Variants in IL1RAPL1 observed in about 807,000 individuals in gnomAD.
The protein encoded by IL1RAPL1 is interleukin-1 receptor accessory protein-like 1.
Under a neutral mutation model 48.4 loss-of-function variants are expected in IL1RAPL1, and 3 were observed. The observed-to-expected ratio is 0.06, with a 90% CI of 0.03 to 0.16. The LOEUF (loss-of-function observed/expected upper bound fraction) is 0.16, where lower values mean the gene tolerates loss of function less well. Among genes scored for constraint, IL1RAPL1 ranks in the 10% least tolerant of loss-of-function variants. The pLI, the probability that IL1RAPL1 is intolerant of heterozygous loss-of-function variation, is 1.00. For synonymous variants in IL1RAPL1, 185 were observed against 187.7 expected (o/e 0.99, Z 0.12); for missense variants, 349 against 530.6 (o/e 0.66, Z 3.36).
At chrX:28,933,249 G>T (rs1312610675) in intron 2 of IL1RAPL1, among the ~76,000 whole-genome samples, 1 of 110,965 alleles carries the variant, frequency 9.0e-6, no homozygotes, top group African/African-American at 3.3e-5. Context: ...CCCTCAATCC[G>T]TGGGTAGACC....
In IL1RAPL1 at chrX:29,395,176, C is replaced by T. The variant is rs763734637; in HGVS notation, c.363-1082C>T. On this transcript the variant is annotated intron_variant, in intron 3 of 10. Coordinates refer to ENST00000378993, the MANE Select transcript of IL1RAPL1 (RefSeq NM_014271.4). ...AGTGCTGGCTCTCCCATGAGTCCCA[C>T]CTGAGACTCAAAGGAGTTAAATAAA... Among the ~76,000 whole-genome samples, 27 of 111,625 alleles carry T rather than the reference C, an allele frequency of 2.4e-4. No homozygotes were observed. The South Asian group carries it at 9.5e-3, about 39-fold the overall frequency.
intron 2 of IL1RAPL1, among the ~76,000 whole-genome samples, chrX:28,796,228 G>T (rs773687639): frequency 1.8e-5 from 2 of 111,378 alleles, no homozygotes; most frequent in South Asian, 7.6e-4. Context: ...GTTGGGTGGG[G>T]ACACAACCAA....
intron 3 of IL1RAPL1, among the ~76,000 whole-genome samples, chrX:29,283,486 A>G: frequency 8.9e-6 from 1 of 112,618 alleles, no homozygotes; most frequent in Middle Eastern, 4.6e-3. Flanking sequence ...AAATTTATAC[A>G]GGAAGTAAAA....
At chrX:28,862,183 A>G (rs984503973) in intron 2 of IL1RAPL1, among the ~76,000 whole-genome samples, 5 of 112,209 alleles carry the variant, frequency 4.5e-5, no homozygotes, top group African/African-American at 1.6e-4. Flanking sequence ...ATTCTTTAAA[A>G]CATTCATACA....
chrX:28,677,094 A>T (rs1935006235), intron 1 of IL1RAPL1, among the ~76,000 whole-genome samples: 2 of 112,034 alleles, frequency 1.8e-5, no homozygotes, highest in South Asian at 7.4e-4. Context: ...TTACTTATAC[A>T]AGTCAACTAA....
Position 29,189,688 on chromosome X carries a change from A to G in IL1RAPL1, c.83-93250A>G, listed in dbSNP as rs6630824. Among the ~76,000 whole-genome samples the G allele has an allele frequency of 1.1e-3, 120 of 111,713 alleles. 1 individual carries two copies. In the East Asian group the frequency reaches 0.028, roughly 26 times the overall value. ...ACCCAACTTTTTCCTAAAGCTTAGC[A>G]CTAAAAGCTCAATTTTTATATATAC... On this transcript the variant is annotated intron_variant, in intron 2 of 10. Transcript: ENST00000378993.
At chrX:29,559,724 ATAGT>A (rs199852887) in intron 5 of IL1RAPL1, among the ~76,000 whole-genome samples, 4,424 of 110,986 alleles carry the variant, frequency 0.04, 75 homozygotes, top group Middle Eastern at 0.13. Context: ...AAAACATCTA[ATAGT>A]TAGTTATGTC....
At chrX:29,842,333 CTT>C (rs780572154) in intron 6 of IL1RAPL1, among the ~76,000 whole-genome samples, 80 of 112,379 alleles carry the variant, frequency 7.1e-4, no homozygotes, top group Admixed American at 1.6e-3. Flanking sequence ...TAGATTAACT[CTT>C]TTCTGCACAG....
At position 29,841,264 on chromosome X, in the gene IL1RAPL1, T is replaced by C. The variant is rs376098906; in HGVS notation, c.779-76200T>C. Among the ~76,000 whole-genome samples, 7 of 112,348 alleles carry C rather than the reference T, an allele frequency of 6.2e-5. No individual in the cohort carries two copies. The East Asian group carries it at 1.7e-3, about 27-fold the overall frequency. The stretch of plus-strand genomic sequence containing the variant: ...AAAATGTTAGTTACAAAATGTTTAT[T>C]TGATAATTACACATCATGACAAAGA... On this transcript the variant is annotated intron_variant, in intron 6 of 10. Coordinates refer to ENST00000378993, the MANE Select transcript of IL1RAPL1 (RefSeq NM_014271.4).
intron 5 of IL1RAPL1, among the ~76,000 whole-genome samples, chrX:29,410,128 A>G (rs1934124293): frequency 9.1e-6 from 1 of 110,193 alleles, no homozygotes; most frequent in South Asian, 3.9e-4. Flanking sequence ...GGCCTGTTCT[A>G]AATTCTTCCA....
At chrX:28,865,438 C>CAA (rs146883962) in intron 2 of IL1RAPL1, among the ~76,000 whole-genome samples, 34,064 of 83,122 alleles carry the variant, frequency 0.41, 5,630 homozygotes, top group East Asian at 0.55. Context: ...GACCCTGTCT[C>CAA]AAAAAAAAAA....
At chrX:28,800,561 G>A (rs946440541) in intron 2 of IL1RAPL1, among the ~76,000 whole-genome samples, 15 of 111,465 alleles carry the variant, frequency 1.3e-4, no homozygotes, top group Admixed American at 9.6e-4. Context: ...AGAAAGAGCA[G>A]CCAGTCAGGG....
intron 2 of IL1RAPL1, among the ~76,000 whole-genome samples, chrX:29,014,732 C>T (rs1466385547): frequency 9.0e-6 from 1 of 111,667 alleles, no homozygotes; most frequent in African/African-American, 3.2e-5. Flanking sequence ...ATATTGTAGT[C>T]CCCCAAACAG....
intron 2 of IL1RAPL1, among the ~76,000 whole-genome samples, chrX:29,008,525 T>G (rs902867196): frequency 8.9e-6 from 1 of 112,524 alleles, no homozygotes; most frequent in Non-Finnish European, 1.9e-5. Context: ...TTAATTAGCT[T>G]GATTTAATCA....
At chrX:29,671,483 G>C (rs1028588573) in intron 6 of IL1RAPL1, among the ~76,000 whole-genome samples, 5 of 111,943 alleles carry the variant, frequency 4.5e-5, no homozygotes, top group African/African-American at 1.6e-4. Context: ...TCACAACCTG[G>C]CATTTCCATT....
intron 1 of IL1RAPL1, among the ~76,000 whole-genome samples, chrX:28,671,337 G>A (rs1320494656): frequency 8.9e-6 from 1 of 111,851 alleles, no homozygotes; most frequent in Non-Finnish European, 1.9e-5. Context: ...AATGCATTTT[G>A]TTTTTTGCAT....
At chrX:28,963,964 TTA>T (rs1924854399) in intron 2 of IL1RAPL1, among the ~76,000 whole-genome samples, 1 of 111,863 alleles carries the variant, frequency 8.9e-6, no homozygotes, top group South Asian at 3.7e-4. Flanking sequence ...TGTATTGTGC[TTA>T]TATATGTTTG....
intron 6 of IL1RAPL1, among the ~76,000 whole-genome samples, chrX:29,752,400 G>A (rs749220100): frequency 2.0e-3 from 207 of 105,094 alleles, no homozygotes; most frequent in African/African-American, 7.1e-3. Context: ...GGAGGCTGAG[G>A]CAGGAGAATC....
chrX:29,172,585 C>T (rs1311143982), intron 2 of IL1RAPL1, among the ~76,000 whole-genome samples: 1 of 111,679 alleles, frequency 9.0e-6, no homozygotes, highest in Non-Finnish European at 1.9e-5. Context: ...ATTGCTAATA[C>T]AATACAATTA....
Sources: gnomAD v4.1 joint callset for allele counts (sites outside exome capture counted in the v4.1 genomes callset) on GRCh38, gnomAD v4.1.1 for gene constraint, MANE v1.5 for transcripts, NCBI Gene and HGNC (gene_info 2026-07-23, HGNC 2026-07-21) for gene names.